The following KIF13B variants were observed in gnomAD, a reference collection of about 807,000 sequenced individuals.
KIF13B encodes the protein kinesin family member 13B.
KIF13B carries 127 observed loss-of-function variants against 222.0 expected under a neutral mutation model. That is an observed-to-expected ratio of 0.57 (90% confidence interval 0.50 to 0.66). The LOEUF is 0.66. Among genes scored for constraint, KIF13B ranks in the 30% least tolerant of loss-of-function variants. KIF13B has a pLI of 0.00. For synonymous variants in KIF13B, 976 were observed against 919.0 expected (o/e 1.06, Z -1.12); for missense variants, 2,173 against 2,379.0 (o/e 0.91, Z 1.80).
At chr8:29,092,617 T>C (rs2133549237) in intron 37 of KIF13B, 128 bp downstream of exon 37, 1 of 901,064 alleles carries the variant, frequency 1.1e-6, no homozygotes, top group Non-Finnish European at 1.6e-6. Flanking sequence ...GACCGACAGC[T>C]GTTTCTGGGT....
intron 14 of KIF13B, among the ~76,000 whole-genome samples, chr8:29,151,108 C>T (rs1811278817): frequency 6.6e-6 from 1 of 152,216 alleles, no homozygotes; most frequent in Admixed American, 6.5e-5. Flanking sequence ...TAAGGCTGAA[C>T]AGTCTTCCTG....
rs181243686 is a variant in KIF13B, at chr8:29,221,774, G to C, written c.149+23572C>G. 4.2e-3 allele frequency among the ~76,000 whole-genome samples: 642 copies of C among 152,190 alleles called. 1 individual carries two copies. Among genetic ancestry groups the C allele is most frequent in the African/African-American group, 0.015 (608 of 41,526 alleles). On this transcript the variant is annotated intron_variant, in intron 2 of 39. Transcript: ENST00000524189. ...AAATTAAGTTTGAATAGTTGCAAAG[G>C]ATAATGCCCAAAATATTGTTTTTTA...
intron 2 of KIF13B, among the ~76,000 whole-genome samples, chr8:29,217,686 A>G (rs1236772810): frequency 6.6e-6 from 1 of 152,216 alleles, no homozygotes; most frequent in Non-Finnish European, 1.5e-5. Context: ...CAGCAAGATG[A>G]TGCAAATGTC....
intron 1 of KIF13B, among the ~76,000 whole-genome samples, chr8:29,254,758 A>G (rs1291542835): frequency 6.6e-6 from 1 of 152,252 alleles, no homozygotes; most frequent in Admixed American, 6.5e-5. Flanking sequence ...GTTAGTTACT[A>G]TATGACTCAG....
intron 2 of KIF13B, among the ~76,000 whole-genome samples, chr8:29,241,741 A>G (rs1815790242): frequency 6.6e-6 from 1 of 152,058 alleles, no homozygotes; most frequent in African/African-American, 2.4e-5. Flanking sequence ...TTTCCACATA[A>G]GAATGTCCTC....
At chr8:29,094,615 G>C (rs1311387470) in intron 36 of KIF13B, among the ~76,000 whole-genome samples, 1 of 152,126 alleles carries the variant, frequency 6.6e-6, no homozygotes, top group Non-Finnish European at 1.5e-5. Flanking sequence ...TTTGACTGGG[G>C]TATGAATCAC....
chr8:29,236,626 A>T (rs1815520889), intron 2 of KIF13B, among the ~76,000 whole-genome samples: 1 of 152,194 alleles, frequency 6.6e-6, no homozygotes, highest in South Asian at 2.1e-4. Flanking sequence ...AATAATTATG[A>T]CCCATCCTAT....
chr8:29,082,627 A>C (rs1807863296), intron 37 of KIF13B, among the ~76,000 whole-genome samples: 1 of 152,162 alleles, frequency 6.6e-6, no homozygotes, highest in Non-Finnish European at 1.5e-5. Context: ...CAACAGAGCA[A>C]GACCTTGTCA....
Position 29,142,225 on chromosome 8 carries a change from G to C in KIF13B, c.2266C>G (p.Leu756Val). Reference sequence around the variant, plus strand: ...CTCATATCCAACAGCCTGTTGTCCAGTTTTTCCAAAGACCAAATCTGCTTT... The same window carrying C: ...CTCATATCCAACAGCCTGTTGTCCACTTTTTCCAAAGACCAAATCTGCTTT... ...KGKQIWSLEK[L>V]DNRLLDMRDL... The change falls in exon 19 of 40, where the codon CTG becomes GTG. Residue 756 changes from leucine (L) to valine (V), a missense_variant. Leu to Val is a conservative substitution (Grantham distance 32). Coordinates refer to ENST00000524189, the MANE Select transcript of KIF13B (RefSeq NM_015254.4). 1 of 1,613,722 alleles carries C rather than the reference G, an allele frequency of 6.2e-7. No individual in the cohort carries two copies. The highest frequency in any genetic ancestry group is 8.5e-7 in the Non-Finnish European group (1 of 1,179,664).
At chr8:29,192,522 T>C (rs1043881874) in intron 3 of KIF13B, among the ~76,000 whole-genome samples, 1 of 152,190 alleles carries the variant, frequency 6.6e-6, no homozygotes, top group African/African-American at 2.4e-5. Flanking sequence ...AGTACTGAGA[T>C]TACAGCTGTG....
intron 32 of KIF13B, among the ~76,000 whole-genome samples, chr8:29,111,302 C>T (rs375347894): frequency 1.3e-5 from 2 of 152,212 alleles, no homozygotes; most frequent in African/African-American, 4.8e-5. Context: ...AGATATTATC[C>T]TAATTTTATA....
chr8:29,101,174 C>G lies in KIF13B; in HGVS notation c.4216-1933G>C, dbSNP rs146796416. On this transcript the variant is annotated intron_variant, in intron 35 of 39. Transcript: ENST00000524189. ...AATTTTTGCATTCAAATTTCATGAT[C>G]TGTCTGGGAAGCTGCGGCCTTGTAT... is the stretch of plus-strand genomic sequence containing the variant. 5.2e-3 allele frequency among the ~76,000 whole-genome samples: 789 copies of G among 152,276 alleles called. 6 individuals are homozygous for G. The highest frequency in any genetic ancestry group is 0.017 in the African/African-American group (720 of 41,562).
chr8:29,244,694 C>T (rs1815943213), intron 2 of KIF13B, among the ~76,000 whole-genome samples: 1 of 152,212 alleles, frequency 6.6e-6, no homozygotes, highest in Non-Finnish European at 1.5e-5. Flanking sequence ...CCTCCATTTA[C>T]TAAGAAAACC....
At chr8:29,114,105 T>C (rs1032566714) in intron 31 of KIF13B, among the ~76,000 whole-genome samples, 8 of 152,212 alleles carry the variant, frequency 5.3e-5, no homozygotes, top group African/African-American at 1.9e-4. Context: ...AATTAATGCA[T>C]AGATGACTCA....
At chr8:29,235,545 G>A (rs1815469852) in intron 2 of KIF13B, among the ~76,000 whole-genome samples, 1 of 152,156 alleles carries the variant, frequency 6.6e-6, no homozygotes, top group Non-Finnish European at 1.5e-5. Flanking sequence ...TCAATCAAGA[G>A]GCATCTAGTG....
Position 29,222,514 on chromosome 8 carries a change from A to C in KIF13B, c.149+22832T>G, listed in dbSNP as rs201518342. Among the ~76,000 whole-genome samples the C allele has an allele frequency of 8.9e-5, 6 of 67,302 alleles. No homozygotes were observed. In the Admixed American group the frequency reaches 1.3e-3, roughly 15 times the overall value. The allele number at this position is 67,302 out of a possible 152,430, so 44.2% of individuals were successfully genotyped here. ...CTCCTGAGCTCAAGTCCCACACCTG[A>C]CTTTTTTTTTTTTTTTTTTTTTTTT... On this transcript the variant is annotated intron_variant, in intron 2 of 39. Transcript: ENST00000524189.
At chr8:29,148,903 A>C (rs1811180516) in intron 15 of KIF13B, 136 bp from the exon 16 acceptor site, 1 of 641,918 alleles carries the variant, frequency 1.6e-6, no homozygotes, top group Non-Finnish European at 2.5e-6. Flanking sequence ...CAGGAAGTTG[A>C]TAATCTTGTC....
At chr8:29,248,480 A>G (rs1816133870) in intron 1 of KIF13B, among the ~76,000 whole-genome samples, 1 of 152,250 alleles carries the variant, frequency 6.6e-6, no homozygotes, top group Non-Finnish European at 1.5e-5. Context: ...CCTCACAAAC[A>G]TGGCAGAAGG....
chr8:29,160,983 C>G, intron 12 of KIF13B, 116 bp from the exon 13 acceptor site: 1 of 804,012 alleles, frequency 1.2e-6, no homozygotes. Flanking sequence ...AATACATTCT[C>G]TTAGGCTATG....
Sources: allele counts gnomAD v4.1 joint callset (sites outside exome capture counted in the v4.1 genomes callset), GRCh38; gene constraint gnomAD v4.1.1; transcripts MANE v1.5; gene names NCBI Gene and HGNC (gene_info 2026-07-23, HGNC 2026-07-21).